The following LANCL1 variants were observed in gnomAD, a reference collection of about 807,000 sequenced individuals.
LANCL1 encodes the protein LanC like glutathione S-transferase 1.
In LANCL1, 50 loss-of-function variants were observed where a neutral mutation model predicts 50.6. That is an observed-to-expected ratio of 0.99 (90% CI 0.79 to 1.25). The LOEUF is 1.25. LANCL1 is among the 50% of genes most tolerant of loss of function. The probability of loss-of-function intolerance (pLI) is 0.00; values close to 1 mark genes in which losing one functional copy is unlikely to be tolerated. For synonymous variants in LANCL1, 188 were observed against 178.6 expected (o/e 1.05, Z -0.42); for missense variants, 532 against 480.7 (o/e 1.11, Z -1.00).
At chr2:210,474,739 A>AAAATAAATAAATAAATT (rs1553715862) in intron 2 of LANCL1, among the ~76,000 whole-genome samples, 2 of 147,990 alleles carry the variant, frequency 1.4e-5, no homozygotes, top group Admixed American at 1.3e-4. Flanking sequence ...AATAAAAATA[A>AAAATAAATAAATAAATT]AAATAAATAA....
rs1055822962 is a variant in LANCL1, at chr2:210,476,686, C to G, written c.-83G>C. The G allele has an allele frequency of 4.1e-6, 5 of 1,207,338 alleles. No individual in the cohort carries two copies. Among genetic ancestry groups the G allele is most frequent in the African/African-American group, 3.1e-5 (2 of 63,954 alleles). The allele number at this position is 1,207,338 out of a possible 1,614,324, so 74.8% of individuals were successfully genotyped here. ...CGCGACTTGAAGCAAGTGCGCCTCC[C>G]GCGTCCTGAAGCCCTTCTCGGCCCT... is the stretch of plus-strand genomic sequence containing the variant. On this transcript the variant is annotated 5_prime_UTR_variant, in exon 1 of 10. Transcript: ENST00000450366.
intron 4 of LANCL1, chr2:210,442,440 G>C (rs1006342692): frequency 5.9e-5 from 9 of 152,196 alleles, no homozygotes; most frequent in African/African-American, 2.2e-4. Flanking sequence ...CACATTCTTT[G>C]TAATACTTGC....
chr2:210,471,589 A>G (rs1327824615), intron 3 of LANCL1: 1 of 468,942 alleles, frequency 2.1e-6, no homozygotes, highest in South Asian at 1.5e-5. Context: ...CCTGAGATCA[A>G]TCCTCATTAC....
Position 210,441,465 on chromosome 2 carries a change from C to T in LANCL1, c.408-22G>A, listed in dbSNP as rs369201082. On this transcript the variant is annotated intron_variant, in intron 4 of 9. Transcript: ENST00000450366. ...TAGCCTAAAAATAAAAATACATGCC[C>T]CAAATAATTTGAAAGGAACCAGGTA... The T allele has an allele frequency of 4.4e-6, 7 of 1,584,288 alleles. No homozygotes were observed. In the African/African-American group the frequency reaches 5.4e-5, roughly 12 times the overall value.
At chr2:210,459,404 T>C (rs1260393562) in intron 3 of LANCL1, among the ~76,000 whole-genome samples, 1 of 152,138 alleles carries the variant, frequency 6.6e-6, no homozygotes, top group Non-Finnish European at 1.5e-5. Flanking sequence ...TTACTACTCC[T>C]GCAACCTGCC....
chr2:210,475,947 GTA>G (rs1156533752), intron 2 of LANCL1, among the ~76,000 whole-genome samples: 1 of 152,140 alleles, frequency 6.6e-6, no homozygotes, highest in Non-Finnish European at 1.5e-5. Flanking sequence ...ACGCACTTGT[GTA>G]TAATCACAAA....
chr2:210,460,275 G>C (rs2105914360), intron 3 of LANCL1, among the ~76,000 whole-genome samples: 1 of 152,144 alleles, frequency 6.6e-6, no homozygotes, highest in South Asian at 2.1e-4. Flanking sequence ...CATGTACTCT[G>C]GTAGGGAAAA....
intron 4 of LANCL1, among the ~76,000 whole-genome samples, chr2:210,447,810 C>T (rs950856599): frequency 2.6e-5 from 4 of 152,150 alleles, no homozygotes; most frequent in African/African-American, 7.2e-5. Context: ...AGCTGAATAT[C>T]CTAAATGTAT....
chr2:210,445,075 TATAA>T (rs1693271902), intron 4 of LANCL1, among the ~76,000 whole-genome samples: 1 of 152,146 alleles, frequency 6.6e-6, no homozygotes, highest in Admixed American at 6.5e-5. Context: ...CTATTTTTAA[TATAA>T]ATGTGTCAAA....
At chr2:210,435,087 C>T (rs1156822956) in intron 9 of LANCL1, among the ~76,000 whole-genome samples, 2 of 151,912 alleles carry the variant, frequency 1.3e-5, no homozygotes, top group Non-Finnish European at 2.9e-5. Flanking sequence ...TCAGTCTCCT[C>T]GGCTATGACA....
chr2:210,473,301 G>C (rs1318730611), intron 2 of LANCL1, among the ~76,000 whole-genome samples: 1 of 152,096 alleles, frequency 6.6e-6, no homozygotes, highest in Non-Finnish European at 1.5e-5. Context: ...CTTGAACCTG[G>C]GAGATGGAGG....
intron 4 of LANCL1, among the ~76,000 whole-genome samples, chr2:210,453,833 C>T (rs1319527056): frequency 6.6e-6 from 1 of 152,146 alleles, no homozygotes; most frequent in African/African-American, 2.4e-5. Context: ...AAGGAACACA[C>T]TTTAAACTTT....
At position 210,455,329 on chromosome 2, in the gene LANCL1, A is replaced by G; in HGVS notation, c.200-15T>C. ...CACAGCAATACCTGAAAAAAAAAAA[A>G]GGAAACAATGTAAAGATGAGGAAAG... On this transcript the variant is annotated splice_polypyrimidine_tract_variant and intron_variant, in intron 3 of 9. Coordinates refer to ENST00000450366, the MANE Select transcript of LANCL1 (RefSeq NM_006055.3). 1 of 1,587,960 alleles carries G rather than the reference A, an allele frequency of 6.3e-7. No individual in the cohort carries two copies.
At chr2:210,438,739 T>G (rs1693025538) in intron 6 of LANCL1, among the ~76,000 whole-genome samples, 1 of 152,222 alleles carries the variant, frequency 6.6e-6, no homozygotes, top group Non-Finnish European at 1.5e-5. Context: ...GATTTAGGAC[T>G]GATCTAAATG....
intron 3 of LANCL1, among the ~76,000 whole-genome samples, chr2:210,466,403 T>C (rs1442567179): frequency 1.3e-5 from 2 of 152,224 alleles, no homozygotes; most frequent in East Asian, 3.9e-4. Context: ...CACAGACTTC[T>C]GATTAGCCCC....
At chr2:210,467,693 A>G (rs140168176) in intron 3 of LANCL1, among the ~76,000 whole-genome samples, 2,016 of 152,338 alleles carry the variant, frequency 0.013, 30 homozygotes, top group Non-Finnish European at 0.02. Flanking sequence ...GAGAGTGTCA[A>G]TGGGCATGTG....
intron 7 of LANCL1, 142 bp from the exon 8 acceptor site, chr2:210,436,534 G>A (rs1182367971): frequency 1.3e-6 from 1 of 771,976 alleles, no homozygotes; most frequent in African/African-American, 1.8e-5. Context: ...GATGTGTTAT[G>A]TTGCTAGTGA....
chr2:210,455,290 A>C lies in LANCL1; in HGVS notation c.224T>G (p.Leu75Arg). 3 of 1,604,748 alleles carry C rather than the reference A, an allele frequency of 1.9e-6. No individual in the cohort carries two copies. Among genetic ancestry groups the C allele is most frequent in the Non-Finnish European group, 2.6e-6 (3 of 1,174,376 alleles). The change falls in exon 4 of 10, where the codon CTT becomes CGT. Residue 75 changes from leucine to arginine, a missense_variant. By Grantham distance (102) the Leu-to-Arg change is moderately radical (BLOSUM62 -2). Coordinates refer to ENST00000450366, the MANE Select transcript of LANCL1 (RefSeq NM_006055.3). ...WAGIAVLYLH[L>R]YDVFGDPAYL... Reference sequence around the variant, plus strand: ...GGCAGGGTCCCCAAATACATCATAAAGATGTAAGTAAAGCACAGCAATACC... The same window carrying C: ...GGCAGGGTCCCCAAATACATCATAACGATGTAAGTAAAGCACAGCAATACC...
At chr2:210,473,897 G>A (rs1170781008) in intron 2 of LANCL1, among the ~76,000 whole-genome samples, 1 of 152,192 alleles carries the variant, frequency 6.6e-6, no homozygotes, top group Non-Finnish European at 1.5e-5. Context: ...ATACTTCAAT[G>A]TTAATACAAA....
Sources: allele counts gnomAD v4.1 joint callset (sites outside exome capture counted in the v4.1 genomes callset), GRCh38; gene constraint gnomAD v4.1.1; transcripts MANE v1.5; gene names NCBI Gene and HGNC (gene_info 2026-07-23, HGNC 2026-07-21).